The following CDH4 variants were observed in gnomAD, a reference collection of about 807,000 sequenced individuals.
The protein encoded by CDH4 is cadherin 4.
In CDH4, 33 loss-of-function variants were observed where a neutral mutation model predicts 86.0. The ratio of observed to expected loss-of-function variants is 0.38; its 90% CI spans 0.29 to 0.51. CDH4 has a LOEUF of 0.51. CDH4 is among the 20% of genes least tolerant of loss of function. The pLI, the probability that CDH4 is intolerant of heterozygous loss-of-function variation, is 0.86. For missense variants in CDH4, 1,114 were observed against 1,307.4 expected, an observed-to-expected ratio of 0.85 and a Z score of 2.28; for synonymous variants, 555 against 549.4, an observed-to-expected ratio of 1.01 and a Z score of -0.14.
At chr20:61,401,326 C>T (rs183852601) in intron 2 of CDH4, among the ~76,000 whole-genome samples, 1 of 152,338 alleles carries the variant, frequency 6.6e-6, no homozygotes, top group East Asian at 1.9e-4. Context: ...GTGCCTGGTA[C>T]ATTGCAGGCT....
intron 2 of CDH4, among the ~76,000 whole-genome samples, chr20:61,340,180 G>A (rs2084642663): frequency 6.6e-6 from 1 of 152,154 alleles, no homozygotes; most frequent in South Asian, 2.1e-4. Flanking sequence ...AAGGGAAGGG[G>A]AGCTAGCAAG....
chr20:61,369,528 G>A (rs556735348), intron 2 of CDH4, among the ~76,000 whole-genome samples: 48 of 148,178 alleles, frequency 3.2e-4, no homozygotes, highest in African/African-American at 1.2e-3. Context: ...CTGTAGATTA[G>A]AAGATGGCAT....
Position 61,773,020 on chromosome 20 carries a change from G to C in CDH4, c.414G>C (p.Lys138Asn). The change falls in exon 4 of 16, where the codon AAG becomes AAC. Residue 138 changes from lysine (K) to asparagine (N), a missense_variant. Coordinates refer to ENST00000614565, the MANE Select transcript of CDH4 (RefSeq NM_001794.5). ...AAATAAAGCCGCAGAAAGGAAAGAA[G>C]GTCGTGGCTCTGGACCCCTCTCCGC... Reference protein sequence around the residue: ...HSGHKPQKGKKVVALDPSPPP... With the variant: ...HSGHKPQKGKNVVALDPSPPP... 6.2e-7 allele frequency: 1 copy of C among 1,610,220 alleles called. No homozygotes were observed.
At chr20:61,814,223 A>G (rs986360991) in intron 4 of CDH4, among the ~76,000 whole-genome samples, 4 of 152,152 alleles carry the variant, frequency 2.6e-5, no homozygotes, top group African/African-American at 7.2e-5. Flanking sequence ...CCCTAAGGCC[A>G]CCCCAGGGAC....
At chr20:61,773,373 G>A (rs1243474677) in intron 4 of CDH4, among the ~76,000 whole-genome samples, 191 bp downstream of exon 4, 1 of 152,234 alleles carries the variant, frequency 6.6e-6, no homozygotes, top group South Asian at 2.1e-4. Flanking sequence ...GTCCTCCGCG[G>A]TGGATGGGCC....
chr20:61,460,372 A>G (rs2085435032), intron 2 of CDH4, among the ~76,000 whole-genome samples: 1 of 152,192 alleles, frequency 6.6e-6, no homozygotes, highest in African/African-American at 2.4e-5. Flanking sequence ...TCTGAGGGTG[A>G]GACCAGCTTC....
chr20:61,432,279 C>T (rs2085251653), intron 2 of CDH4, among the ~76,000 whole-genome samples: 1 of 152,220 alleles, frequency 6.6e-6, no homozygotes, highest in African/African-American at 2.4e-5. Flanking sequence ...AGTTCCTCCA[C>T]ATCCTAAGCC....
intron 2 of CDH4, among the ~76,000 whole-genome samples, chr20:61,412,585 C>T (rs1447293747): frequency 6.6e-6 from 1 of 152,164 alleles, no homozygotes. Context: ...AATTTAATTT[C>T]TAGGACATCC....
At chr20:61,455,109 C>T (rs554796563) in intron 2 of CDH4, among the ~76,000 whole-genome samples, 1 of 152,306 alleles carries the variant, frequency 6.6e-6, no homozygotes, top group Non-Finnish European at 1.5e-5. Context: ...TTTCATCTCA[C>T]GTGTAGATTT....
rs1425327460 is a variant in CDH4 at position 61,383,428 on chromosome 20, A to C, written c.169+128491A>C. ...TGAATATATATGATATATATGATATATATCATATATGAATATATATTCATA... is the reference window on the plus strand; with the variant it reads ...TGAATATATATGATATATATGATATCTATCATATATGAATATATATTCATA... On this transcript the variant is annotated intron_variant, in intron 2 of 15. Coordinates refer to ENST00000614565, the MANE Select transcript of CDH4 (RefSeq NM_001794.5). Among the ~76,000 whole-genome samples the C allele has an allele frequency of 4.7e-5, 4 of 84,244 alleles. No homozygotes were observed. The East Asian group carries it at 1.1e-3, about 23-fold the overall frequency. 55.3% of individuals were successfully genotyped at this position (84,244 alleles called of 152,430 possible). A position where few individuals can be genotyped will look rare whatever the true frequency, so the allele number is the denominator to read the frequency against.
intron 2 of CDH4, among the ~76,000 whole-genome samples, chr20:61,637,877 C>G (rs769657682): frequency 1.3e-5 from 2 of 151,986 alleles, no homozygotes; most frequent in African/African-American, 4.8e-5. Context: ...AAAAATTAGC[C>G]GGACATGGTG....
intron 4 of CDH4, among the ~76,000 whole-genome samples, chr20:61,804,356 G>A (rs1043777577): frequency 2.6e-5 from 4 of 152,202 alleles, no homozygotes; most frequent in Admixed American, 2.6e-4. Flanking sequence ...GAGGCAAAGA[G>A]CTGTCCCCTG....
intron 2 of CDH4, among the ~76,000 whole-genome samples, chr20:61,316,896 C>T (rs561517848): frequency 1.6e-4 from 25 of 152,270 alleles, no homozygotes; most frequent in Admixed American, 1.4e-3. Flanking sequence ...GGCGCCTGGA[C>T]GTGGGTCCTC....
In CDH4 at chr20:61,876,741, G is replaced by C. The variant is rs559938515; in HGVS notation, c.1050+2841G>C. On this transcript the variant is annotated intron_variant, in intron 7 of 15. Coordinates refer to ENST00000614565, the MANE Select transcript of CDH4 (RefSeq NM_001794.5). ...TCTGGTTTCCAGTGGGGTTGAGGGGGTCCCTGTGGCTTCAGGACCATCTGG... is the reference window on the plus strand; with the variant it reads ...TCTGGTTTCCAGTGGGGTTGAGGGGCTCCCTGTGGCTTCAGGACCATCTGG... Among the ~76,000 whole-genome samples the C allele has an allele frequency of 1.8e-4, 28 of 152,262 alleles. No individual in the cohort carries two copies. The South Asian group carries it at 5.4e-3, about 29-fold the overall frequency.
At chr20:61,253,254 C>G (rs1600807699) in intron 1 of CDH4, among the ~76,000 whole-genome samples, 1 of 151,148 alleles carries the variant, frequency 6.6e-6, no homozygotes, top group East Asian at 2.0e-4. Context: ...GGAAGCCGGA[C>G]GCCGGGCGGG....
At chr20:61,673,720 A>T (rs1226796770) in intron 2 of CDH4, among the ~76,000 whole-genome samples, 2 of 152,196 alleles carry the variant, frequency 1.3e-5, no homozygotes, top group Non-Finnish European at 1.5e-5. Flanking sequence ...TCTCAGGTTC[A>T]TGGTGCTTTC....
intron 7 of CDH4, among the ~76,000 whole-genome samples, chr20:61,882,434 A>G (rs1360140661): frequency 2.0e-5 from 3 of 152,366 alleles, no homozygotes; most frequent in African/African-American, 7.2e-5. Context: ...TAACTCGGTC[A>G]ACATCGAAAC....
At chr20:61,341,307 C>T (rs930295663) in intron 2 of CDH4, among the ~76,000 whole-genome samples, 3 of 152,182 alleles carry the variant, frequency 2.0e-5, no homozygotes, top group African/African-American at 2.4e-5. Context: ...CAGAGCTTGA[C>T]CTGCAGAAAT....
chr20:61,627,676 GT>G (rs1311963821), intron 2 of CDH4, among the ~76,000 whole-genome samples: 2 of 152,050 alleles, frequency 1.3e-5, no homozygotes, highest in African/African-American at 4.8e-5. Flanking sequence ...AGGCCCCCTG[GT>G]TGGGACAGCA....
Sources: gnomAD v4.1 joint callset for allele counts (sites outside exome capture counted in the v4.1 genomes callset) on GRCh38, gnomAD v4.1.1 for gene constraint, MANE v1.5 for transcripts, NCBI Gene and HGNC (gene_info 2026-07-23, HGNC 2026-07-21) for gene names.